The following CNTNAP5 variants were observed in gnomAD, a reference collection of about 807,000 sequenced individuals.
The protein encoded by CNTNAP5 is contactin associated protein family member 5, also known as contactin-associated protein-like 5.
Under a neutral mutation model 150.2 loss-of-function variants are expected in CNTNAP5, and 72 were observed. The observed-to-expected ratio is 0.48, with a 90% CI of 0.40 to 0.58. The LOEUF (loss-of-function observed/expected upper bound fraction) is 0.58, where lower values mean the gene tolerates loss of function less well. Ranked by LOEUF, CNTNAP5 falls within the 20% of genes least tolerant of loss-of-function variation. CNTNAP5 has a pLI of 0.00. For missense variants in CNTNAP5, 1,636 were observed against 1,626.2 expected (o/e 1.01, Z -0.10); for synonymous variants, 672 against 619.8 (o/e 1.08, Z -1.25).
chr2:124,328,159 C>T (rs1256268065), intron 3 of CNTNAP5, among the ~76,000 whole-genome samples: 1 of 151,016 alleles, frequency 6.6e-6, no homozygotes, highest in Non-Finnish European at 1.5e-5. Context: ...TTTTGAAGGA[C>T]AATGTATTGT....
chr2:124,553,401 G>A (rs1338321273), intron 10 of CNTNAP5, among the ~76,000 whole-genome samples: 6 of 151,910 alleles, frequency 3.9e-5, no homozygotes, highest in African/African-American at 1.5e-4. Context: ...CTACTTGGGA[G>A]GCTGAGGCAG....
At chr2:124,473,254 T>G (rs1279289253) in intron 6 of CNTNAP5, among the ~76,000 whole-genome samples, 1 of 143,126 alleles carries the variant, frequency 7.0e-6, no homozygotes, top group African/African-American at 2.5e-5. Context: ...CAACGGTGGG[T>G]TCTTGGAAAG....
chr2:124,493,182 G>T (rs1472938686), intron 7 of CNTNAP5, among the ~76,000 whole-genome samples: 2 of 151,920 alleles, frequency 1.3e-5, no homozygotes, highest in African/African-American at 4.8e-5. Context: ...TTTCATGAAG[G>T]GATGTTGACT....
At chr2:124,459,781 G>T (rs4241119) in intron 6 of CNTNAP5, among the ~76,000 whole-genome samples, 69,363 of 144,922 alleles carry the variant, frequency 0.48, 16,635 homozygotes, top group Middle Eastern at 0.61. Flanking sequence ...AAAAAAAAAA[G>T]GAATTGTGTT....
At chr2:124,810,759 G>T (rs1322833867) in intron 19 of CNTNAP5, among the ~76,000 whole-genome samples, 1 of 152,082 alleles carries the variant, frequency 6.6e-6, no homozygotes, top group Non-Finnish European at 1.5e-5. Flanking sequence ...TGGGTCAATG[G>T]TTCTCAGCTG....
chr2:124,284,874 A>G (rs1688107534), intron 3 of CNTNAP5, among the ~76,000 whole-genome samples: 1 of 152,128 alleles, frequency 6.6e-6, no homozygotes, highest in African/African-American at 2.4e-5. Context: ...GTGGGGAATG[A>G]GAGAAATGAC....
At chr2:124,729,376 A>AT in intron 13 of CNTNAP5, among the ~76,000 whole-genome samples, 1 of 152,126 alleles carries the variant, frequency 6.6e-6, no homozygotes, top group East Asian at 1.9e-4. Context: ...ATAATAATGA[A>AT]TTTTTTATTA....
At chr2:124,559,864 T>C (rs1695847370) in intron 10 of CNTNAP5, among the ~76,000 whole-genome samples, 1 of 152,194 alleles carries the variant, frequency 6.6e-6, no homozygotes, top group Admixed American at 6.5e-5. Context: ...CAGTGTGCAT[T>C]GAACCAAAAT....
chr2:124,827,652 T>C (rs1415089022), intron 19 of CNTNAP5, among the ~76,000 whole-genome samples: 1 of 152,206 alleles, frequency 6.6e-6, no homozygotes. Context: ...TTTTTTTGAT[T>C]TGTAAATAAA....
intron 22 of CNTNAP5, among the ~76,000 whole-genome samples, chr2:124,905,611 A>T (rs1678519306): frequency 6.6e-6 from 1 of 152,084 alleles, no homozygotes. Flanking sequence ...GCATGAGATG[A>T]TTGCCTTTGA....
intron 3 of CNTNAP5, among the ~76,000 whole-genome samples, chr2:124,298,800 G>C (rs2565758): frequency 0.021 from 3,143 of 152,234 alleles, 111 homozygotes; most frequent in African/African-American, 0.07. Flanking sequence ...AAAACTCTTG[G>C]TGGGCTTTTG....
In CNTNAP5 at chr2:124,916,593, G is replaced by A. The variant is rs1023172358; in HGVS notation, c.*2305G>A. 7.2e-5 allele frequency among the ~76,000 whole-genome samples: 11 copies of A among 152,070 alleles called. No homozygotes were observed. The highest frequency in any genetic ancestry group is 2.7e-4 in the African/African-American group (11 of 41,446). On this transcript the variant is annotated 3_prime_UTR_variant, in exon 24 of 24. Coordinates refer to ENST00000682447, the MANE Select transcript of CNTNAP5 (RefSeq NM_001367498.1). The stretch of plus-strand genomic sequence containing the variant: ...GTGAGGACTATGTTTTGCTGACATA[G>A]TGCTAATAGAAGAAATGGAGACTAG...
intron 7 of CNTNAP5, among the ~76,000 whole-genome samples, chr2:124,495,743 A>G (rs1694128132): frequency 6.6e-6 from 1 of 152,108 alleles, no homozygotes; most frequent in Non-Finnish European, 1.5e-5. Context: ...AATTCCTAAC[A>G]TGTATTATGG....
At chr2:124,758,051 G>T (rs975310681) in intron 14 of CNTNAP5, among the ~76,000 whole-genome samples, 4 of 152,118 alleles carry the variant, frequency 2.6e-5, no homozygotes, top group Non-Finnish European at 5.9e-5. Flanking sequence ...TTAAGAGAGT[G>T]GATAGATTAG....
intron 1 of CNTNAP5, among the ~76,000 whole-genome samples, chr2:124,179,913 A>G (rs529787182): frequency 6.6e-6 from 1 of 152,282 alleles, no homozygotes; most frequent in South Asian, 2.1e-4. Context: ...TTCAGGAGAC[A>G]CGTTTTGTAT....
chr2:124,248,115 T>G (rs370308185), intron 3 of CNTNAP5, among the ~76,000 whole-genome samples: 1 of 152,112 alleles, frequency 6.6e-6, no homozygotes, highest in Non-Finnish European at 1.5e-5. Flanking sequence ...AGAAATAAAG[T>G]ATAGAGGGAA....
In CNTNAP5 at chr2:124,764,059, T is replaced by A. The variant is rs1211112688; in HGVS notation, c.2445T>A (p.Asp815Glu). 3 of 1,613,088 alleles carry A rather than the reference T, an allele frequency of 1.9e-6. No homozygotes were observed. In the African/African-American group the frequency reaches 4.0e-5, roughly 22 times the overall value. ...FPTFHAEFSA[D>E]ISFFFKTTAL... is the part of the protein sequence containing the mutation. ...CCTTCCATGCGGAATTCAGTGCCGA[T>A]ATTTCCTTCTTTTTTAAAACCACAG... The change falls in exon 16 of 24, where the codon GAT becomes GAA. Residue 815 changes from aspartate to glutamate, a missense_variant. Asp to Glu is a conservative substitution (Grantham distance 45). Coordinates refer to ENST00000682447, the MANE Select transcript of CNTNAP5 (RefSeq NM_001367498.1).
chr2:124,151,513 G>A (rs764424980), intron 1 of CNTNAP5, among the ~76,000 whole-genome samples: 3 of 152,124 alleles, frequency 2.0e-5, no homozygotes, highest in Non-Finnish European at 4.4e-5. Context: ...TTGTGTTACC[G>A]AGATGTTCTT....
intron 3 of CNTNAP5, among the ~76,000 whole-genome samples, chr2:124,245,660 T>TAC (rs1191882549): frequency 1.1e-5 from 1 of 88,198 alleles, no homozygotes; most frequent in Non-Finnish European, 2.4e-5. Flanking sequence ...TGTATATATA[T>TAC]ACACACAAAT....
Sources: gnomAD v4.1 joint callset for allele counts (sites outside exome capture counted in the v4.1 genomes callset) on GRCh38, gnomAD v4.1.1 for gene constraint, MANE v1.5 for transcripts, NCBI Gene and HGNC (gene_info 2026-07-23, HGNC 2026-07-21) for gene names.